The following NTM variants were observed in gnomAD, a reference collection of about 807,000 sequenced individuals.
NTM encodes neurotrimin, also known as IgLON family member 2.
In NTM, 13 loss-of-function variants were observed where a neutral mutation model predicts 42.1. That is an observed-to-expected ratio of 0.31 (90% confidence interval 0.20 to 0.49). NTM has a LOEUF of 0.49. Among genes scored for constraint, NTM ranks in the 20% least tolerant of loss-of-function variants. The pLI, the probability that NTM is intolerant of heterozygous loss-of-function variation, is 0.99. For missense variants in NTM, 373 were observed against 452.8 expected (o/e 0.82, Z 1.60); for synonymous variants, 187 against 179.2 (o/e 1.04, Z -0.35).
intron 1 of NTM, among the ~76,000 whole-genome samples, chr11:131,889,715 C>A (rs2137463088): frequency 6.6e-6 from 1 of 152,238 alleles, no homozygotes; most frequent in Non-Finnish European, 1.5e-5. Context: ...ATACGAACAA[C>A]AGAGTGGGAA....
intron 1 of NTM, among the ~76,000 whole-genome samples, chr11:131,488,461 C>T (rs554504197): frequency 4.6e-5 from 7 of 152,248 alleles, no homozygotes; most frequent in East Asian, 3.9e-4. Context: ...GGGCAAAAGC[C>T]GTCAGGCCTC....
intron 1 of NTM, among the ~76,000 whole-genome samples, chr11:131,573,983 G>T (rs77828628): frequency 6.6e-6 from 1 of 152,132 alleles, no homozygotes; most frequent in Non-Finnish European, 1.5e-5. Context: ...GGGGATAAAG[G>T]CCTGCAGGCT....
chr11:131,624,075 G>A (rs1048133035), intron 1 of NTM, among the ~76,000 whole-genome samples: 1 of 152,170 alleles, frequency 6.6e-6, no homozygotes, highest in Admixed American at 6.5e-5. Flanking sequence ...GGGGCACCTT[G>A]TACTCTGTGC....
intron 4 of NTM, 87 bp from the exon 5 acceptor site, chr11:132,307,602 T>C (rs1249761092): frequency 6.4e-7 from 1 of 1,563,440 alleles, no homozygotes; most frequent in Non-Finnish European, 8.7e-7. Context: ...TCTGCAGACA[T>C]AACCATTTTA....
chr11:132,188,606 G>C (rs1452524297), intron 3 of NTM, among the ~76,000 whole-genome samples: 1 of 152,134 alleles, frequency 6.6e-6, no homozygotes, highest in African/African-American at 2.4e-5. Flanking sequence ...TGTTACTGCA[G>C]ATAAAAATAG....
chr11:132,290,714 T>G (rs986571440), intron 4 of NTM, among the ~76,000 whole-genome samples: 7 of 152,172 alleles, frequency 4.6e-5, no homozygotes, highest in African/African-American at 1.7e-4. Context: ...ACCCATCCAT[T>G]TTAATATAAT....
intron 3 of NTM, among the ~76,000 whole-genome samples, chr11:132,168,397 A>G (rs142195475): frequency 0.012 from 1,752 of 152,260 alleles, 42 homozygotes; most frequent in African/African-American, 0.039. Flanking sequence ...GAGGTATCTC[A>G]TATCACTTTC....
chr11:131,391,933 T>C (rs1944061609), intron 1 of NTM, among the ~76,000 whole-genome samples: 2 of 152,114 alleles, frequency 1.3e-5, no homozygotes, highest in Non-Finnish European at 1.5e-5. Context: ...GCTGAAACTA[T>C]TGGAAGAATA....
chr11:131,648,777 T>C (rs888086684), intron 1 of NTM, among the ~76,000 whole-genome samples: 1 of 152,202 alleles, frequency 6.6e-6, no homozygotes, highest in African/African-American at 2.4e-5. Flanking sequence ...TAAACTATCG[T>C]CACACTCTTG....
At chr11:132,187,765 C>T (rs1466687433) in intron 3 of NTM, among the ~76,000 whole-genome samples, 3 of 152,038 alleles carry the variant, frequency 2.0e-5, no homozygotes, top group Admixed American at 6.5e-5. Context: ...ATGACAGGAG[C>T]GTGATAGGGT....
intron 1 of NTM, among the ~76,000 whole-genome samples, chr11:131,515,921 G>A (rs2048838394): frequency 6.6e-6 from 1 of 152,118 alleles, no homozygotes; most frequent in Admixed American, 6.5e-5. Context: ...GCTTCTAGGT[G>A]GAGAAATAGT....
chr11:132,319,848 C>G (rs1191167537), intron 7 of NTM, among the ~76,000 whole-genome samples: 1 of 152,242 alleles, frequency 6.6e-6, no homozygotes, highest in African/African-American at 2.4e-5. Flanking sequence ...CCCCGAGTAG[C>G]CTAACGGGAG....
intron 2 of NTM, among the ~76,000 whole-genome samples, chr11:132,135,123 G>A (rs2067643035): frequency 6.6e-6 from 1 of 152,050 alleles, no homozygotes; most frequent in Non-Finnish European, 1.5e-5. Flanking sequence ...CCCTGTGTCA[G>A]TGTCCCAGGA....
At chr11:132,144,634 G>C (rs1250985341) in intron 2 of NTM, among the ~76,000 whole-genome samples, 5 of 152,172 alleles carry the variant, frequency 3.3e-5, no homozygotes, top group Admixed American at 1.3e-4. Context: ...GACTGGGGGT[G>C]AGACTAAGAA....
chr11:131,585,027 C>G (rs2058732840), intron 1 of NTM, among the ~76,000 whole-genome samples: 1 of 152,202 alleles, frequency 6.6e-6, no homozygotes, highest in Non-Finnish European at 1.5e-5. Flanking sequence ...CAGTGACGTT[C>G]TGTTTTGTTC....
chr11:131,583,949 C>G (rs1239782071), intron 1 of NTM, among the ~76,000 whole-genome samples: 4 of 152,200 alleles, frequency 2.6e-5, no homozygotes, highest in African/African-American at 9.7e-5. Flanking sequence ...CAGCTAGGCA[C>G]TGTTAGAATG....
intron 1 of NTM, among the ~76,000 whole-genome samples, chr11:131,787,677 C>T (rs959914180): frequency 2.6e-5 from 4 of 152,118 alleles, no homozygotes; most frequent in African/African-American, 7.2e-5. Context: ...CCACGGCGCT[C>T]GGCCAATACT....
chr11:132,205,959 A>G lies in NTM; in HGVS notation c.401-6063A>G, dbSNP rs373201761. On this transcript the variant is annotated intron_variant, in intron 3 of 8. Coordinates refer to ENST00000683400, the MANE Select transcript of NTM (RefSeq NM_001352005.2). ...AGAAGGTCTAGGGGTCTCCCTGTGC[A>G]GCCGTCCAGATGCTACTTAACAGAA... Among the ~76,000 whole-genome samples the G allele has an allele frequency of 2.1e-4, 32 of 152,282 alleles. 1 individual carries two copies. The highest frequency in any genetic ancestry group is 7.5e-4 in the African/African-American group (31 of 41,552).
chr11:131,520,374 C>G (rs1049076689), intron 1 of NTM, among the ~76,000 whole-genome samples: 2 of 151,968 alleles, frequency 1.3e-5, no homozygotes, highest in Non-Finnish European at 1.5e-5. Context: ...GGTGATTTTT[C>G]TAAGATCAAA....
Sources: allele counts gnomAD v4.1 joint callset (sites outside exome capture counted in the v4.1 genomes callset), GRCh38; gene constraint gnomAD v4.1.1; transcripts MANE v1.5; gene names NCBI Gene and HGNC (gene_info 2026-07-23, HGNC 2026-07-21).